Variants in KCNT1 observed in about 807,000 individuals in gnomAD.
KCNT1 encodes potassium channel subfamily T member 1.
Under a neutral mutation model 147.8 loss-of-function variants are expected in KCNT1, and 78 were observed. The observed-to-expected ratio is 0.53, with a 90% confidence interval of 0.44 to 0.64. KCNT1 has a LOEUF of 0.64. Among genes scored for constraint, KCNT1 ranks in the 30% least tolerant of loss-of-function variants. The pLI, the probability that KCNT1 is intolerant of heterozygous loss-of-function variation, is 0.00. For missense variants in KCNT1, 1,419 were observed against 1,750.3 expected (o/e 0.81, Z 3.38); for synonymous variants, 867 against 748.8 (o/e 1.16, Z -2.58).
At position 135,770,330 on chromosome 9, in the gene KCNT1, G is replaced by A. The variant is rs567764094; in HGVS notation, c.1652G>A (p.Arg551His). The change falls in exon 17 of 31, where the codon CGC (arginine) becomes CAC (histidine). Residue 551 changes from arginine (R) to histidine (H), a missense_variant. Physicochemically the swap from Arg to His is conservative, Grantham distance 29 (BLOSUM62 0). Coordinates refer to ENST00000371757, the MANE Select transcript of KCNT1 (RefSeq NM_020822.3). The part of the protein sequence containing the change: ...EGQESPEQWQ[R>H]MYGRCSGNEV... ...CAGGAGTCTCCGGAGCAGTGGCAGC[G>A]CATGTATGGGCGCTGCTCCGGCAAC... 5 of 1,610,964 alleles carry A rather than the reference G, an allele frequency of 3.1e-6. No individual in the cohort carries two copies. The highest frequency in any genetic ancestry group is 1.3e-5 in the African/African-American group (1 of 74,986).
intron 2 of KCNT1, among the ~76,000 whole-genome samples, chr9:135,726,284 A>G (rs1292231843): frequency 6.6e-6 from 1 of 151,360 alleles, no homozygotes; most frequent in African/African-American, 2.4e-5. Flanking sequence ...CCCGGGGGAG[A>G]CTCCCGGCCT....
Position 135,733,877 on chromosome 9 carries a change from C to T in KCNT1, c.255-16221C>T, listed in dbSNP as rs561629174. 5.3e-5 allele frequency among the ~76,000 whole-genome samples: 8 copies of T among 151,134 alleles called. No homozygotes were observed. In the South Asian group the frequency reaches 1.1e-3, roughly 20 times the overall value. ...AGAATGGGTGTCATAATCCACCCCC[C>T]GCCTGCTCCTTTTGTCTTCCCCACC... On this transcript the variant is annotated intron_variant, in intron 2 of 30. Coordinates refer to ENST00000371757, the MANE Select transcript of KCNT1 (RefSeq NM_020822.3).
chr9:135,747,940 T>C (rs947362912), intron 2 of KCNT1, among the ~76,000 whole-genome samples: 1 of 152,112 alleles, frequency 6.6e-6, no homozygotes, highest in African/African-American at 2.4e-5. Flanking sequence ...ATTTCATTTA[T>C]TTATTTATTA....
chr9:135,717,215 G>A (rs1835756531), intron 2 of KCNT1, among the ~76,000 whole-genome samples: 1 of 150,854 alleles, frequency 6.6e-6, no homozygotes, highest in South Asian at 2.1e-4. Flanking sequence ...CCTGGCCCCA[G>A]TGGTGTTGGT....
intron 2 of KCNT1, among the ~76,000 whole-genome samples, chr9:135,734,812 C>A (rs956770660): frequency 7.9e-5 from 12 of 152,064 alleles, no homozygotes; most frequent in Non-Finnish European, 1.3e-4. Flanking sequence ...AGCCCAGGCA[C>A]CCTCCCTCCC....
intron 2 of KCNT1, among the ~76,000 whole-genome samples, chr9:135,739,814 G>C (rs919772789): frequency 1.3e-5 from 2 of 152,320 alleles, no homozygotes; most frequent in East Asian, 1.9e-4. Flanking sequence ...TGGGCGGCTG[G>C]TTTATCCTTG....
At position 135,756,514 on chromosome 9, in the gene KCNT1, G is replaced by A. The variant is rs1209496199; in HGVS notation, c.541-359G>A. Among the ~76,000 whole-genome samples the A allele has an allele frequency of 3.3e-5, 5 of 152,148 alleles. No homozygotes were observed. The East Asian group carries it at 9.6e-4, about 29-fold the overall frequency. ...CCTGTGCTGAGAGGGGTTCCGTGGG[G>A]GAAAACCAGGTCCACTGAGCCTCCA... is the stretch of plus-strand genomic sequence containing the variant. On this transcript the variant is annotated intron_variant, in intron 6 of 30. Coordinates refer to ENST00000371757, the MANE Select transcript of KCNT1 (RefSeq NM_020822.3).
At chr9:135,713,047 C>T (rs1457647655) in intron 1 of KCNT1, among the ~76,000 whole-genome samples, 2 of 152,206 alleles carry the variant, frequency 1.3e-5, no homozygotes, top group Non-Finnish European at 2.9e-5. Flanking sequence ...CAAGACTGGG[C>T]CTTGAGGCCA....
At chr9:135,724,763 G>C (rs1836063218) in intron 2 of KCNT1, among the ~76,000 whole-genome samples, 1 of 152,238 alleles carries the variant, frequency 6.6e-6, no homozygotes, top group Non-Finnish European at 1.5e-5. Context: ...CCTAGCTCCG[G>C]CTGGGTCGGC....
At chr9:135,773,004 C>T (rs1352511898) in intron 19 of KCNT1, 55 bp downstream of exon 19, 97 of 1,274,432 alleles carry the variant, frequency 7.6e-5, no homozygotes, top group Middle Eastern at 2.4e-4. Flanking sequence ...CCCATGAGTG[C>T]GGGGGATGGG....
intron 30 of KCNT1, 31 bp from the exon 31 acceptor site, chr9:135,792,010 C>G: frequency 6.2e-7 from 1 of 1,602,500 alleles, no homozygotes; most frequent in Non-Finnish European, 8.5e-7. Context: ...CGGCCCACAT[C>G]CACTCCAGGG....
chr9:135,748,122 G>C (rs573320169), intron 2 of KCNT1, among the ~76,000 whole-genome samples: 7 of 152,014 alleles, frequency 4.6e-5, no homozygotes, highest in Admixed American at 3.3e-4. Flanking sequence ...TTATTGAGAC[G>C]GGGGTCTTGC....
chr9:135,759,911 G>A (rs754811675), intron 11 of KCNT1, 52 bp downstream of exon 11: 10 of 1,513,978 alleles, frequency 6.6e-6, no homozygotes, highest in Non-Finnish European at 8.9e-6. Context: ...GGACAGGCGG[G>A]TGCCAGTAGA....
At position 135,735,153 on chromosome 9, in the gene KCNT1, G is replaced by A. The variant is rs565485802; in HGVS notation, c.255-14945G>A. On this transcript the variant is annotated intron_variant, in intron 2 of 30. Coordinates refer to ENST00000371757, the MANE Select transcript of KCNT1 (RefSeq NM_020822.3). ...CAGCGCTCTCCCCTGGGGTAGACCC[G>A]AGCCACGACAGGCAGCCAGGGCGAC... Among the ~76,000 whole-genome samples the A allele has an allele frequency of 2.9e-4, 44 of 152,318 alleles. No individual in the cohort carries two copies. In the South Asian group the frequency reaches 5.4e-3, roughly 19 times the overall value.
intron 2 of KCNT1, among the ~76,000 whole-genome samples, chr9:135,746,652 C>T (rs546404052): frequency 7.9e-5 from 12 of 152,084 alleles, no homozygotes; most frequent in African/African-American, 1.7e-4. Flanking sequence ...ACCAGGTCCA[C>T]GGGGAGGTAA....
rs2099029690 is a variant in KCNT1, at chr9:135,793,688, A to T, written c.*1527A>T. On this transcript the variant is annotated 3_prime_UTR_variant, in exon 31 of 31. Transcript: ENST00000371757. ...CTGGAGGGGCCGGCCCTGGCCACAC[A>T]GACTAGCTAGTCCCTTACTCCCGGC... is the stretch of plus-strand genomic sequence containing the variant. The T allele has an allele frequency of 6.6e-6, 1 of 152,374 alleles. No individual in the cohort carries two copies. The highest frequency in any genetic ancestry group is 2.4e-5 in the African/African-American group (1 of 41,460). 9.4% of individuals were successfully genotyped at this position (152,374 alleles called of 1,614,324 possible). A position where few individuals can be genotyped will look rare whatever the true frequency, so the allele number is the denominator to read the frequency against.
chr9:135,714,716 G>A lies in KCNT1; in HGVS notation c.250G>A (p.Asp84Asn), dbSNP rs761659648. The A allele has an allele frequency of 4.3e-6, 6 of 1,408,860 alleles. No homozygotes were observed. Among genetic ancestry groups the A allele is most frequent in the Non-Finnish European group, 5.6e-6 (6 of 1,067,130 alleles). The allele number at this position is 1,408,860 out of a possible 1,614,324, so 87.3% of individuals were successfully genotyped here. A position where few individuals can be genotyped will look rare whatever the true frequency, so the allele number is the denominator to read the frequency against. ...LLGDPSFQND[D>N]RVQVEFYVNE... ...GGGCGACCCGTCCTTCCAGAACGAC[G>A]ACAGGTAGGGACCGGGCGCGGGGTG... The change falls in exon 2 of 31, where the codon GAC becomes AAC. Residue 84 changes from aspartate (D) to asparagine (N), a missense_variant. Physicochemically the swap from Asp to Asn is conservative, Grantham distance 23. Transcript: ENST00000371757. The surrounding 1 kb of genome is among the most constrained non-coding windows in gnomAD (Gnocchi z 6.2).
At chr9:135,725,868 C>A (rs1010354682) in intron 2 of KCNT1, among the ~76,000 whole-genome samples, 3 of 152,276 alleles carry the variant, frequency 2.0e-5, no homozygotes, top group Middle Eastern at 3.4e-3. Flanking sequence ...GCAGAAATGC[C>A]GGAAAAGAGG....
At chr9:135,726,484 C>G (rs1398672403) in intron 2 of KCNT1, among the ~76,000 whole-genome samples, 1 of 152,094 alleles carries the variant, frequency 6.6e-6, no homozygotes, top group Non-Finnish European at 1.5e-5. Flanking sequence ...CACCCCGTTC[C>G]AAGCCTCAGT....
Sources: gnomAD v4.1 joint callset for allele counts (sites outside exome capture counted in the v4.1 genomes callset) on GRCh38, gnomAD v4.1.1 for gene constraint, Gnocchi (gnomAD v3.1) non-coding constraint, MANE v1.5 for transcripts, NCBI Gene and HGNC (gene_info 2026-07-23, HGNC 2026-07-21) for gene names.